Variants in ADAMTS20 observed in about 807,000 individuals in gnomAD.
ADAMTS20 encodes the protein A disintegrin and metalloproteinase with thrombospondin motifs 20.
In ADAMTS20, 225 loss-of-function variants were observed where a neutral mutation model predicts 260.1. That is an observed-to-expected ratio of 0.87 (90% CI 0.78 to 0.97). The LOEUF (loss-of-function observed/expected upper bound fraction) is 0.97, where lower values mean the gene tolerates loss of function less well. ADAMTS20 is among the 50% of genes least tolerant of loss of function. ADAMTS20 has a pLI of 0.00. For missense variants in ADAMTS20, 2,400 were observed against 2,337.7 expected, an observed-to-expected ratio of 1.03 and a Z score of -0.55; for synonymous variants, 802 against 769.5, an observed-to-expected ratio of 1.04 and a Z score of -0.70.
At chr12:43,451,141 C>A (rs1461718782) in intron 14 of ADAMTS20, among the ~76,000 whole-genome samples, 1 of 152,090 alleles carries the variant, frequency 6.6e-6, no homozygotes, top group Admixed American at 6.6e-5. Context: ...CATGGATGAA[C>A]CTGGAGGACA....
intron 2 of ADAMTS20, among the ~76,000 whole-genome samples, chr12:43,535,244 C>T (rs953428382): frequency 6.6e-6 from 1 of 152,138 alleles, no homozygotes; most frequent in Non-Finnish European, 1.5e-5. Context: ...AAGAGACTAT[C>T]TGAGATCTAG....
intron 29 of ADAMTS20, among the ~76,000 whole-genome samples, chr12:43,392,770 C>A (rs1159620632): frequency 6.6e-6 from 1 of 152,050 alleles, no homozygotes; most frequent in East Asian, 1.9e-4. Flanking sequence ...GATTGAAACT[C>A]CTTTAGTTCT....
intron 36 of ADAMTS20, among the ~76,000 whole-genome samples, chr12:43,372,531 A>G (rs956216205): frequency 6.6e-6 from 1 of 152,220 alleles, no homozygotes; most frequent in African/African-American, 2.4e-5. Context: ...TTTACTATAA[A>G]TGAACACAAA....
intron 12 of ADAMTS20, among the ~76,000 whole-genome samples, chr12:43,453,450 T>C (rs1941906368): frequency 1.3e-5 from 2 of 152,126 alleles, no homozygotes; most frequent in Admixed American, 6.6e-5. Context: ...AAGACAATGA[T>C]GCGTCTATAA....
Position 43,524,035 on chromosome 12 carries a change from C to T in ADAMTS20, c.613+8001G>A, listed in dbSNP as rs118020560. 3.9e-3 allele frequency among the ~76,000 whole-genome samples: 591 copies of T among 151,678 alleles called. 2 individuals are homozygous for T. Among genetic ancestry groups the T allele is most frequent in the Non-Finnish European group, 5.2e-3 (355 of 67,932 alleles). On this transcript the variant is annotated intron_variant, in intron 3 of 38. Coordinates refer to ENST00000389420, the MANE Select transcript of ADAMTS20 (RefSeq NM_025003.5). ...GGTGCTCTTCTTCAAGCACCACCTC[C>T]TGGCTAGAGGCCAATTGACACAGTC...
chr12:43,503,756 T>C (rs1592100836), intron 3 of ADAMTS20, among the ~76,000 whole-genome samples: 1 of 152,108 alleles, frequency 6.6e-6, no homozygotes, highest in African/African-American at 2.4e-5. Flanking sequence ...TGTCTTTTAC[T>C]TGGTGTGTCT....
chr12:43,470,714 C>A (rs1450882103), intron 7 of ADAMTS20, among the ~76,000 whole-genome samples: 1 of 152,128 alleles, frequency 6.6e-6, no homozygotes, highest in Non-Finnish European at 1.5e-5. Flanking sequence ...AAAACATGGT[C>A]AGGGACTGAG....
intron 28 of ADAMTS20, chr12:43,423,681 T>TA: frequency 1.4e-6 from 1 of 698,056 alleles, no homozygotes; most frequent in Non-Finnish European, 2.6e-6. Flanking sequence ...AGATAGCTAA[T>TA]AAAAATATCT....
At position 43,432,645 on chromosome 12, in the gene ADAMTS20, C is replaced by A; in HGVS notation, c.2887G>T (p.Gly963Cys). Residue 963 changes from glycine to cysteine, a missense_variant, in exon 20 of 39, where the codon GGT becomes TGT. Transcript: ENST00000389420. ...TGCCATCTTGTGAAGACACAGTTAC[C>A]ATGGCATAGTTCTTGGGTAGGAGGT... is the stretch of plus-strand genomic sequence containing the variant. ...LKPPTQELCH[G>C]NCVFTRWHYS... The A allele has an allele frequency of 6.2e-7, 1 of 1,613,828 alleles. No homozygotes were observed. The highest frequency in any genetic ancestry group is 8.5e-7 in the Non-Finnish European group (1 of 1,179,844).
At chr12:43,446,080 T>C (rs1941754886) in intron 15 of ADAMTS20, among the ~76,000 whole-genome samples, 1 of 152,076 alleles carries the variant, frequency 6.6e-6, no homozygotes, top group Non-Finnish European at 1.5e-5. Context: ...TTCTGAAACA[T>C]TTAATTCAGA....
At chr12:43,386,488 C>T (rs1378053440) in intron 29 of ADAMTS20, among the ~76,000 whole-genome samples, 2 of 152,034 alleles carry the variant, frequency 1.3e-5, no homozygotes, top group Non-Finnish European at 2.9e-5. Context: ...TCCAGGACTA[C>T]CTTTGTAGTG....
intron 36 of ADAMTS20, among the ~76,000 whole-genome samples, chr12:43,370,667 A>G (rs1459009491): frequency 6.6e-6 from 1 of 152,196 alleles, no homozygotes; most frequent in East Asian, 1.9e-4. Context: ...GATGACCTAC[A>G]GATATCTGTA....
chr12:43,389,789 C>T (rs1190434735), intron 29 of ADAMTS20, among the ~76,000 whole-genome samples: 1 of 152,086 alleles, frequency 6.6e-6, no homozygotes, highest in Non-Finnish European at 1.5e-5. Context: ...TTATGATTTC[C>T]ATCTGAGACC....
At chr12:43,510,051 T>C (rs1942901447) in intron 3 of ADAMTS20, among the ~76,000 whole-genome samples, 1 of 152,092 alleles carries the variant, frequency 6.6e-6, no homozygotes, top group Non-Finnish European at 1.5e-5. Flanking sequence ...TAATCCTCAA[T>C]AGAGAAGTAG....
At chr12:43,515,454 C>T (rs1018206040) in intron 3 of ADAMTS20, among the ~76,000 whole-genome samples, 1 of 152,130 alleles carries the variant, frequency 6.6e-6, no homozygotes, top group East Asian at 1.9e-4. Context: ...AATTCTAATG[C>T]TACTATTGCC....
At chr12:43,503,208 T>C (rs79265494) in intron 3 of ADAMTS20, among the ~76,000 whole-genome samples, 1,577 of 152,272 alleles carry the variant, frequency 0.01, 34 homozygotes, top group African/African-American at 0.035. Flanking sequence ...TTTGTTCCTC[T>C]CCTTTCCTCT....
In ADAMTS20 at chr12:43,434,342, G is replaced by A; in HGVS notation, c.2623C>T (p.His875Tyr). 6.3e-7 allele frequency: 1 copy of A among 1,589,724 alleles called. No homozygotes were observed. Among genetic ancestry groups the A allele is most frequent in the Non-Finnish European group, 8.6e-7 (1 of 1,167,118 alleles). Residue 875 changes from histidine to tyrosine, a missense_variant, in exon 19 of 39, where the codon CAT becomes TAT. Transcript: ENST00000389420. ...GLQRRNITCI[H>Y]KSDHSVVSDK... The stretch of plus-strand genomic sequence containing the variant: ...GACACAACACTATGATCACTCTTAT[G>A]TATGCAAGTTATGTTTCTTCGCTGA...
intron 4 of ADAMTS20, among the ~76,000 whole-genome samples, chr12:43,500,091 T>C (rs1470099789): frequency 2.6e-5 from 4 of 151,610 alleles, no homozygotes; most frequent in African/African-American, 9.7e-5. Flanking sequence ...TGCAGTGGCA[T>C]GATCGCGGCT....
rs1592113206 is a variant in ADAMTS20 at position 43,532,124 on chromosome 12, A to C, written c.525T>G (p.Tyr175Ter). The part of the protein sequence containing the change: ...EPIMKADGNE[Y>*]EDGHNKPHLI... ...GATGTGGCTTGTTGTGACCATCTTC[A>C]TATTCATTCCCATCTGCCTTCATTA... The change falls in exon 3 of 39, where the codon TAT (tyrosine) becomes TAG (stop). Residue 175 changes from tyrosine (Y) to a stop codon, truncating the protein, a stop_gained. Transcript: ENST00000389420. LOFTEE classifies it high-confidence loss of function. 6.2e-7 allele frequency: 1 copy of C among 1,612,658 alleles called. No homozygotes were observed. The highest frequency in any genetic ancestry group is 8.5e-7 in the Non-Finnish European group (1 of 1,179,292).
Sources: gnomAD v4.1 joint callset for allele counts (sites outside exome capture counted in the v4.1 genomes callset) on GRCh38, gnomAD v4.1.1 for gene constraint, MANE v1.5 for transcripts, NCBI Gene and HGNC (gene_info 2026-07-23, HGNC 2026-07-21) for gene names.